PRKD1: variants seen among roughly 807,000 people sequenced by gnomAD.
The protein encoded by PRKD1 is protein kinase D1.
Under a neutral mutation model 95.9 loss-of-function variants are expected in PRKD1, and 63 were observed. The observed-to-expected ratio is 0.66, with a 90% CI of 0.54 to 0.81. The LOEUF (loss-of-function observed/expected upper bound fraction) is 0.81. Ranked by LOEUF, PRKD1 falls within the 30% of genes least tolerant of loss-of-function variation. The probability of loss-of-function intolerance (pLI) is 0.00; values close to 1 mark genes in which losing one functional copy is unlikely to be tolerated. For missense variants in PRKD1, 1,048 were observed against 1,165.3 expected (o/e 0.90, Z 1.47); for synonymous variants, 425 against 423.1 (o/e 1.00, Z -0.05).
At chr14:29,699,197 A>G (rs1884696512) in intron 2 of PRKD1, among the ~76,000 whole-genome samples, 1 of 152,226 alleles carries the variant, frequency 6.6e-6, no homozygotes, top group Non-Finnish European at 1.5e-5. Context: ...TTGCTTGGTC[A>G]ATGACTTTTT....
chr14:29,634,486 T>C lies in PRKD1; in HGVS notation c.1246A>G (p.Thr416Ala), dbSNP rs1320387723. 6.2e-7 allele frequency: 1 copy of C among 1,614,104 alleles called. No homozygotes were observed. Among genetic ancestry groups the C allele is most frequent in the Non-Finnish European group, 8.5e-7 (1 of 1,179,962 alleles). The change falls in exon 8 of 18, where the codon ACG (threonine) becomes GCG (alanine). Residue 416 changes from threonine to alanine, a missense_variant. Around this residue, in one of 3 missense-constraint regions of PRKD1, gnomAD observed 739 missense variants for 861.9 expected, o/e 0.86. Coordinates refer to ENST00000331968, the MANE Select transcript of PRKD1 (RefSeq NM_002742.3). ...ATGACTGTGCTGCTTTTCCTCTTCG[T>C]GTGTTTGACAGACTGCACTACCCTC... ...LMRVVQSVKH[T>A]KRKSSTVMKE...
chr14:29,858,015 T>C (rs1284609917), intron 1 of PRKD1, among the ~76,000 whole-genome samples: 1 of 152,354 alleles, frequency 6.6e-6, no homozygotes, highest in South Asian at 2.1e-4. Flanking sequence ...AATTTAACTT[T>C]AGTTGTTTAA....
At chr14:29,623,871 C>T (rs45487396) in intron 13 of PRKD1, among the ~76,000 whole-genome samples, 33,988 of 152,014 alleles carry the variant, frequency 0.22, 3,842 homozygotes, top group South Asian at 0.26. Flanking sequence ...AAAATGGTCT[C>T]AGCATGTCCA....
chr14:29,848,458 G>A (rs1475613759), intron 1 of PRKD1, among the ~76,000 whole-genome samples: 1 of 151,978 alleles, frequency 6.6e-6, no homozygotes, highest in East Asian at 1.9e-4. Context: ...CTGCATATAT[G>A]GGGAAAATTA....
intron 2 of PRKD1, among the ~76,000 whole-genome samples, chr14:29,721,355 T>C (rs894647203): frequency 7.9e-5 from 12 of 152,226 alleles, no homozygotes; most frequent in African/African-American, 2.9e-4. Flanking sequence ...GATTCAACAT[T>C]TATCTTTCAA....
At chr14:29,617,017 C>T (rs1319770196) in intron 13 of PRKD1, among the ~76,000 whole-genome samples, 1 of 152,074 alleles carries the variant, frequency 6.6e-6, no homozygotes, top group Non-Finnish European at 1.5e-5. Flanking sequence ...CATGTACTCA[C>T]TATTTAGTTC....
intron 2 of PRKD1, among the ~76,000 whole-genome samples, chr14:29,698,645 T>C (rs149953016): frequency 5.3e-5 from 8 of 152,020 alleles, no homozygotes; most frequent in Admixed American, 5.2e-4. Flanking sequence ...CTTCATCTGC[T>C]TGCATTTAAA....
At chr14:29,668,571 A>C (rs1882656408) in intron 2 of PRKD1, among the ~76,000 whole-genome samples, 1 of 152,202 alleles carries the variant, frequency 6.6e-6, no homozygotes, top group Admixed American at 6.6e-5. Context: ...AATTGAGCCA[A>C]AAACCCTAAG....
At chr14:29,781,849 T>C (rs1022389165) in intron 1 of PRKD1, among the ~76,000 whole-genome samples, 1 of 152,316 alleles carries the variant, frequency 6.6e-6, no homozygotes. Context: ...TAAAGAGTAT[T>C]TAAACGGAGA....
intron 1 of PRKD1, among the ~76,000 whole-genome samples, chr14:29,844,200 T>C (rs2139323449): frequency 6.6e-6 from 1 of 152,216 alleles, no homozygotes; most frequent in African/African-American, 2.4e-5. Flanking sequence ...CAGTGATATA[T>C]TAGAGGCAAG....
intron 1 of PRKD1, among the ~76,000 whole-genome samples, chr14:29,814,625 G>T (rs185697665): frequency 2.0e-5 from 3 of 152,168 alleles, no homozygotes; most frequent in Admixed American, 6.5e-5. Context: ...TTTTTCAAAG[G>T]TATATGCAAA....
intron 1 of PRKD1, among the ~76,000 whole-genome samples, chr14:29,848,548 G>A (rs1434519172): frequency 6.6e-6 from 1 of 151,064 alleles, no homozygotes; most frequent in Non-Finnish European, 1.5e-5. Flanking sequence ...CACAGAGACA[G>A]CCTACAACAA....
chr14:29,847,775 G>A (rs1310525738), intron 1 of PRKD1, among the ~76,000 whole-genome samples: 3 of 152,082 alleles, frequency 2.0e-5, no homozygotes, highest in Non-Finnish European at 4.4e-5. Context: ...GAAGGGGCAG[G>A]AAGTGTCTCT....
At chr14:29,820,183 T>C (rs7146355) in intron 1 of PRKD1, among the ~76,000 whole-genome samples, 192 of 152,314 alleles carry the variant, frequency 1.3e-3, no homozygotes, top group African/African-American at 4.3e-3. Flanking sequence ...ACCACCAATC[T>C]AGAGGCAATA....
intron 4 of PRKD1, among the ~76,000 whole-genome samples, chr14:29,641,051 C>T (rs1156661342): frequency 6.6e-6 from 1 of 151,532 alleles, no homozygotes; most frequent in Non-Finnish European, 1.5e-5. Flanking sequence ...CATTTATTAC[C>T]TTCAAGGGCA....
chr14:29,826,634 T>C lies in PRKD1; in HGVS notation c.264+100615A>G, dbSNP rs1026831623. ...ACATACATATACACACACATATATATGTGTGTGTGTATATATATGTGTGTG... is the reference window on the plus strand; with the variant it reads ...ACATACATATACACACACATATATACGTGTGTGTGTATATATATGTGTGTG... On this transcript the variant is annotated intron_variant, in intron 1 of 17. Coordinates refer to ENST00000331968, the MANE Select transcript of PRKD1 (RefSeq NM_002742.3). Among the ~76,000 whole-genome samples the C allele has an allele frequency of 1.8e-4, 17 of 95,536 alleles. 1 individual carries two copies. Among genetic ancestry groups the C allele is most frequent in the African/African-American group, 6.8e-4 (16 of 23,376 alleles). The allele number at this position is 95,536 out of a possible 152,430, so 62.7% of individuals were successfully genotyped here. A position where few individuals can be genotyped will look rare whatever the true frequency, so the allele number is the denominator to read the frequency against.
Position 29,599,042 on chromosome 14 carries a change from A to T in PRKD1, c.2151T>A (p.Ala717=). The change falls in exon 15 of 18, where the codon GCT becomes GCA. Residue 717 remains alanine, a synonymous_variant. Coordinates refer to ENST00000331968, the MANE Select transcript of PRKD1 (RefSeq NM_002742.3). ...LKPENVLLAS[A]DPFPQVKLCD... ...TTATACTTGCCTGAGGAAAAGGATC[A>T]GCTGAGGCTAGCAACACATTTTCTG... The T allele has an allele frequency of 3.1e-6, 5 of 1,613,306 alleles. No homozygotes were observed. In the South Asian group the frequency reaches 4.4e-5, roughly 14 times the overall value.
chr14:29,908,476 G>A (rs762995916), intron 1 of PRKD1, among the ~76,000 whole-genome samples: 5 of 151,894 alleles, frequency 3.3e-5, no homozygotes, highest in Non-Finnish European at 7.4e-5. Flanking sequence ...CCGTAGAGAC[G>A]GGGTTTCACT....
At chr14:29,577,669 A>T (rs1892606113) in intron 17 of PRKD1, among the ~76,000 whole-genome samples, 1 of 152,200 alleles carries the variant, frequency 6.6e-6, no homozygotes, top group Non-Finnish European at 1.5e-5. Flanking sequence ...ATAAGATAGC[A>T]TGGATCAAAG....
Sources: allele counts gnomAD v4.1 joint callset (sites outside exome capture counted in the v4.1 genomes callset), GRCh38; gene constraint gnomAD v4.1.1; regional missense constraint gnomAD v4.1.1; transcripts MANE v1.5; gene names NCBI Gene and HGNC (gene_info 2026-07-23, HGNC 2026-07-21).